Variants in LAMC1 observed in about 807,000 individuals in gnomAD.
LAMC1 encodes the protein laminin subunit gamma 1, also known as laminin subunit gamma-1.
A neutral mutation model predicts 173.6 loss-of-function variants in LAMC1; 38 were observed. That is an observed-to-expected ratio of 0.22 (90% CI 0.17 to 0.29). The LOEUF (loss-of-function observed/expected upper bound fraction) is 0.29, where lower values mean the gene tolerates loss of function less well. Ranked by LOEUF, LAMC1 falls within the 10% of genes least tolerant of loss-of-function variation. The probability of loss-of-function intolerance (pLI) is 1.00; values close to 1 mark genes in which losing one functional copy is unlikely to be tolerated. For missense variants in LAMC1, 1,824 were observed against 2,051.8 expected, an observed-to-expected ratio of 0.89 and a Z score of 2.14; for synonymous variants, 746 against 749.1, an observed-to-expected ratio of 1.00 and a Z score of 0.07.
chr1:183,117,930 T>C (rs1442066741), intron 10 of LAMC1, 104 bp from the exon 11 acceptor site: 1 of 779,510 alleles, frequency 1.3e-6, no homozygotes, highest in East Asian at 2.5e-5. Context: ...TTTGATTTGA[T>C]TGTTAGAGCA....
intron 1 of LAMC1, among the ~76,000 whole-genome samples, chr1:183,075,119 A>G (rs1655092793): frequency 6.7e-6 from 1 of 148,478 alleles, no homozygotes; most frequent in African/African-American, 2.5e-5. Flanking sequence ...GTTCTGTCTG[A>G]TGTGGGCTTT....
At chr1:183,133,267 G>A (rs1354832198) in intron 21 of LAMC1, 139 bp from the exon 22 acceptor site, 6 of 724,424 alleles carry the variant, frequency 8.3e-6, no homozygotes, top group Middle Eastern at 3.8e-4. Context: ...CAAAATGTTG[G>A]TATTAAAATG....
intron 1 of LAMC1, among the ~76,000 whole-genome samples, chr1:183,101,773 T>G (rs1401845429): frequency 6.6e-6 from 1 of 152,138 alleles, no homozygotes; most frequent in Non-Finnish European, 1.5e-5. Flanking sequence ...TCCTGTGTTC[T>G]TTCTGTTATG....
chr1:183,134,368 G>A (rs79349361), intron 22 of LAMC1, among the ~76,000 whole-genome samples: 1,917 of 152,278 alleles, frequency 0.013, 33 homozygotes, highest in South Asian at 0.079. Context: ...AGTAGAGATC[G>A]GGTGGAAAGG....
intron 13 of LAMC1, among the ~76,000 whole-genome samples, chr1:183,122,822 C>G (rs995822741): frequency 7.2e-5 from 11 of 152,110 alleles, no homozygotes; most frequent in African/African-American, 2.7e-4. Flanking sequence ...TCGATGACCT[C>G]AAATCCGTCA....
At chr1:183,097,168 T>G (rs1037450694) in intron 1 of LAMC1, among the ~76,000 whole-genome samples, 1 of 152,242 alleles carries the variant, frequency 6.6e-6, no homozygotes, top group African/African-American at 2.4e-5. Context: ...CCAGCAGTTA[T>G]GCTAACAAAA....
In LAMC1 at chr1:183,128,521, A is replaced by G; in HGVS notation, c.3124-73A>G. ...TTCATGGAGTGCCCATGATTCCTGC[A>G]GGAAGTGTGATTGAGTTCTTCAGGA... On this transcript the variant is annotated intron_variant, in intron 17 of 27. Coordinates refer to ENST00000258341, the MANE Select transcript of LAMC1 (RefSeq NM_002293.4). 16 of 1,294,780 alleles carry G rather than the reference A, an allele frequency of 1.2e-5. 2 individuals carry two copies. Among genetic ancestry groups the G allele is most frequent in the South Asian group, 6.3e-5 (4 of 63,022 alleles). The allele number at this position is 1,294,780 out of a possible 1,614,324, so 80.2% of individuals were successfully genotyped here. A position where few individuals can be genotyped will look rare whatever the true frequency, so the allele number is the denominator to read the frequency against.
At chr1:183,024,511 G>A (rs2102001338) in intron 1 of LAMC1, among the ~76,000 whole-genome samples, 1 of 152,186 alleles carries the variant, frequency 6.6e-6, no homozygotes, top group Middle Eastern at 3.4e-3. Flanking sequence ...GCGCATTCTT[G>A]GATCGGAAAC....
chr1:183,135,171 G>C lies in LAMC1; in HGVS notation c.4114+15G>C, dbSNP rs201081968. 2.2e-4 allele frequency: 339 copies of C among 1,514,756 alleles called. No individual in the cohort carries two copies. The highest frequency in any genetic ancestry group is 3.4e-4 in the Middle Eastern group (2 of 5,854). The allele number at this position is 1,514,756 out of a possible 1,614,324, so 93.8% of individuals were successfully genotyped here. On this transcript the variant is annotated intron_variant, in intron 24 of 27. Transcript: ENST00000258341. ...CAACCTGAAAGGTAGAAAAGGCTGA[G>C]ATAACAGGGGCAAATGCTTCCGCCA...
chr1:183,122,365 G>T, intron 13 of LAMC1, 114 bp downstream of exon 13: 2 of 979,146 alleles, frequency 2.0e-6, no homozygotes, highest in Non-Finnish European at 3.1e-6. Context: ...CAGTGGTTAT[G>T]GTTTTCCTAA....
At chr1:183,126,702 T>C (rs561492360) in intron 16 of LAMC1, among the ~76,000 whole-genome samples, 2 of 152,362 alleles carry the variant, frequency 1.3e-5, no homozygotes, top group South Asian at 4.1e-4. Context: ...AAACATCTGC[T>C]TCTCCTTGGC....
chr1:183,137,477 G>T (rs992708164), intron 25 of LAMC1, among the ~76,000 whole-genome samples, 192 bp from the exon 26 acceptor site: 2 of 115,028 alleles, frequency 1.7e-5, no homozygotes, highest in Non-Finnish European at 3.9e-5. Flanking sequence ...ATGTTATTAT[G>T]TGGGTAGTAA....
chr1:183,033,074 A>G (rs1338058984), intron 1 of LAMC1, among the ~76,000 whole-genome samples: 2 of 152,218 alleles, frequency 1.3e-5, no homozygotes, highest in East Asian at 1.9e-4. Context: ...ACTATAATAT[A>G]GTTGATTTTG....
intron 4 of LAMC1, among the ~76,000 whole-genome samples, chr1:183,112,708 G>C (rs1250600176): frequency 6.6e-6 from 1 of 152,128 alleles, no homozygotes; most frequent in Non-Finnish European, 1.5e-5. Flanking sequence ...GTTGGGCTTG[G>C]TGGATTGAGG....
intron 4 of LAMC1, among the ~76,000 whole-genome samples, chr1:183,114,038 A>G (rs1656243993): frequency 2.0e-5 from 3 of 151,990 alleles, no homozygotes; most frequent in African/African-American, 7.3e-5. Flanking sequence ...CCCTTTATTG[A>G]CATCCTGTTG....
intron 1 of LAMC1, among the ~76,000 whole-genome samples, chr1:183,049,549 C>T (rs996177968): frequency 2.6e-5 from 4 of 151,676 alleles, no homozygotes; most frequent in East Asian, 1.9e-4. Flanking sequence ...CTGCAACCTC[C>T]GCTTCCCGGG....
chr1:183,042,276 T>C (rs1411535458), intron 1 of LAMC1, among the ~76,000 whole-genome samples: 1 of 152,184 alleles, frequency 6.6e-6, no homozygotes, highest in Non-Finnish European at 1.5e-5. Context: ...TAGGCCCCTG[T>C]GCTTTCCAAT....
intron 1 of LAMC1, among the ~76,000 whole-genome samples, chr1:183,052,098 A>G (rs1654441246): frequency 2.0e-5 from 3 of 152,166 alleles, no homozygotes; most frequent in Middle Eastern, 3.2e-3. Context: ...CAGCCCCCTG[A>G]TTGCAACTCA....
intron 20 of LAMC1, 81 bp downstream of exon 20, chr1:183,131,459 G>A (rs35250023): frequency 2.2e-6 from 2 of 916,378 alleles, no homozygotes; most frequent in African/African-American, 1.9e-5. Context: ...GTGTGTGTGT[G>A]TATTGTCTTA....
Sources: allele counts gnomAD v4.1 joint callset (sites outside exome capture counted in the v4.1 genomes callset), GRCh38; gene constraint gnomAD v4.1.1; transcripts MANE v1.5; gene names NCBI Gene and HGNC (gene_info 2026-07-23, HGNC 2026-07-21).